TPRKB: variants seen among roughly 807,000 people sequenced by gnomAD.
TPRKB encodes the protein TP53RK binding protein.
TPRKB carries 11 observed loss-of-function variants against 17.8 expected under a neutral mutation model. The observed-to-expected ratio is 0.62, with a 90% CI of 0.39 to 1.02. The LOEUF (loss-of-function observed/expected upper bound fraction) is 1.02, where lower values mean the gene tolerates loss of function less well. Among genes scored for constraint, TPRKB ranks in the 50% least tolerant of loss-of-function variants. The probability of loss-of-function intolerance (pLI) is 0.00; values close to 1 mark genes in which losing one functional copy is unlikely to be tolerated. For missense variants in TPRKB, 228 were observed against 198.0 expected (o/e 1.15, Z -0.91); for synonymous variants, 71 against 69.5 (o/e 1.02, Z -0.11).
At position 73,730,765 on chromosome 2, in the gene TPRKB, A is replaced by C. The variant is rs1261512363; in HGVS notation, c.265-29T>G. The C allele has an allele frequency of 2.9e-6, 4 of 1,392,070 alleles. No individual in the cohort carries two copies. In the African/African-American group the frequency reaches 4.5e-5, roughly 16 times the overall value. 86.2% of individuals were successfully genotyped at this position (1,392,070 alleles called of 1,614,324 possible). A position where few individuals can be genotyped will look rare whatever the true frequency, so the allele number is the denominator to read the frequency against. On this transcript the variant is annotated intron_variant, in intron 3 of 4. Transcript: ENST00000272424. ...AGAGAAAAAAAATGAAAAAAAAAAC[A>C]CAAGATCATTAACCATTGTTTCCTA...
intron 2 of TPRKB, among the ~76,000 whole-genome samples, chr2:73,733,250 T>TTTG (rs1671715414): frequency 7.0e-6 from 1 of 143,520 alleles, no homozygotes. Flanking sequence ...TGCCCTGTTT[T>TTTG]TTTGTTTTTT....
chr2:73,730,502 C>T (rs1300522866), intron 4 of TPRKB, 58 bp downstream of exon 4: 5 of 1,220,522 alleles, frequency 4.1e-6, no homozygotes, highest in South Asian at 1.5e-5. Context: ...AATAGGCAAA[C>T]GGCATCAGCA....
intron 3 of TPRKB, chr2:73,731,216 T>C (rs1671596669): frequency 6.6e-6 from 1 of 152,604 alleles, no homozygotes. Context: ...CCAAAATGAA[T>C]GGCTTCATTG....
chr2:73,733,572 AC>A (rs1336707142), intron 2 of TPRKB, among the ~76,000 whole-genome samples: 1 of 151,788 alleles, frequency 6.6e-6, no homozygotes, highest in South Asian at 2.1e-4. Flanking sequence ...CTTGTTAGGA[AC>A]CCCCATTTTA....
intron 3 of TPRKB, chr2:73,731,804 G>A (rs1671622483): frequency 5.8e-6 from 1 of 172,632 alleles, no homozygotes; most frequent in Admixed American, 5.8e-5. Context: ...CCCTCAAGGA[G>A]TTTACGGGAA....
At chr2:73,732,580 G>C in intron 2 of TPRKB, 1 of 283,746 alleles carries the variant, frequency 3.5e-6, no homozygotes, top group Non-Finnish European at 6.8e-6. Context: ...GTGGTGGCAC[G>C]CACCTGTAAT....
intron 1 of TPRKB, among the ~76,000 whole-genome samples, chr2:73,736,663 G>A (rs1391269600): frequency 1.3e-5 from 2 of 152,104 alleles, no homozygotes; most frequent in African/African-American, 2.4e-5. Flanking sequence ...CATACGCTAG[G>A]TCACATCGCT....
At position 73,732,207 on chromosome 2, in the gene TPRKB, TTCTTG is replaced by T. The variant is rs1558757661; in HGVS notation, c.215_219del (p.Thr72AsnfsTer5). 6.2e-7 allele frequency: 1 copy of T among 1,613,976 alleles called. No individual in the cohort carries two copies. The highest frequency in any genetic ancestry group is 2.2e-5 in the East Asian group (1 of 44,880). ...TTGAAAATAATTTCAGTAGATAGAG[TTCTTG>T]TCTTCATTTTTCCCAGTTTGTAGAG... On this transcript the variant is annotated frameshift_variant, in exon 3 of 5. Transcript: ENST00000272424. LOFTEE classifies it high-confidence loss of function.
intron 1 of TPRKB, among the ~76,000 whole-genome samples, chr2:73,736,806 G>A (rs1184170155): frequency 6.6e-6 from 1 of 152,068 alleles, no homozygotes; most frequent in African/African-American, 2.4e-5. Flanking sequence ...TTATGATAAA[G>A]CCCCAACTTT....
intron 4 of TPRKB, 56 bp downstream of exon 4, chr2:73,730,504 G>T: frequency 8.1e-7 from 1 of 1,233,526 alleles, no homozygotes; most frequent in Non-Finnish European, 1.1e-6. Context: ...TAGGCAAACG[G>T]CATCAGCATT....
chr2:73,736,781 G>C (rs1050152513), intron 1 of TPRKB, among the ~76,000 whole-genome samples: 3 of 152,078 alleles, frequency 2.0e-5, no homozygotes, highest in African/African-American at 7.2e-5. Flanking sequence ...ATCAGATCTT[G>C]TCATTCTGCT....
At chr2:73,734,715 C>G (rs185773423) in intron 1 of TPRKB, 124 bp from the exon 2 acceptor site, 2 of 867,028 alleles carry the variant, frequency 2.3e-6, no homozygotes, top group Non-Finnish European at 3.4e-6. Context: ...AAAAATCCAT[C>G]GCCAAAGCCC....
At chr2:73,731,981 C>G in intron 3 of TPRKB, 182 bp downstream of exon 3, 1 of 553,738 alleles carries the variant, frequency 1.8e-6, no homozygotes, top group East Asian at 3.1e-5. Context: ...TTTGTTTACT[C>G]ATATGTAAAC....
At chr2:73,736,020 A>C (rs1671860719) in intron 1 of TPRKB, among the ~76,000 whole-genome samples, 2 of 152,228 alleles carry the variant, frequency 1.3e-5, no homozygotes, top group Non-Finnish European at 2.9e-5. Context: ...AAACATCTGA[A>C]TGGAAAACAA....
intron 3 of TPRKB, chr2:73,731,929 G>C (rs1396302229): frequency 2.5e-6 from 1 of 397,244 alleles, no homozygotes; most frequent in Non-Finnish European, 4.5e-6. Context: ...ACCCTATATG[G>C]TAAGAACAGA....
chr2:73,737,044 T>C (rs1671920107), intron 1 of TPRKB, among the ~76,000 whole-genome samples: 1 of 152,164 alleles, frequency 6.6e-6, no homozygotes, highest in Non-Finnish European at 1.5e-5. Context: ...CTACGGCTCT[T>C]TTTAGTCTGA....
In TPRKB at chr2:73,729,946, T is replaced by A. The variant is rs1288035558; in HGVS notation, c.525A>T (p.Leu175Phe). Residue 175 changes from leucine to phenylalanine, a missense_variant, in exon 5 of 5, where the codon TTA becomes TTT. Coordinates refer to ENST00000272424, the MANE Select transcript of TPRKB (RefSeq NM_016058.5). ...TTTTGTTAATATTTCTGACATTTCA[T>A]AAAACATCTTTTGTTGACATTCTAC... The part of the protein sequence containing the change: ...IICRMSTKDV[L>F] 3 of 1,558,366 alleles carry A rather than the reference T, an allele frequency of 1.9e-6. No homozygotes were observed. The highest frequency in any genetic ancestry group is 2.6e-6 in the Non-Finnish European group (3 of 1,148,752).
intron 2 of TPRKB, 107 bp from the exon 3 acceptor site, chr2:73,732,392 A>G: frequency 8.1e-7 from 1 of 1,232,086 alleles, no homozygotes. Context: ...TTACTTCATC[A>G]CAATTCTTAC....
At chr2:73,734,619 A>G (rs1241471393) in intron 1 of TPRKB, 28 bp from the exon 2 acceptor site, 2 of 1,517,342 alleles carry the variant, frequency 1.3e-6, no homozygotes, top group African/African-American at 2.8e-5. Context: ...AGACCAAAAG[A>G]TTTCATTTAA....
Sources: allele counts gnomAD v4.1 joint callset (sites outside exome capture counted in the v4.1 genomes callset), GRCh38; gene constraint gnomAD v4.1.1; transcripts MANE v1.5; gene names NCBI Gene and HGNC (gene_info 2026-07-23, HGNC 2026-07-21).